The following SLC4A7 variants were observed in gnomAD, a reference collection of about 807,000 sequenced individuals.
The protein encoded by SLC4A7 is sodium bicarbonate cotransporter 3.
A neutral mutation model predicts 137.6 loss-of-function variants in SLC4A7; 51 were observed. That is an observed-to-expected ratio of 0.37 (90% CI 0.30 to 0.47). The LOEUF (loss-of-function observed/expected upper bound fraction) is 0.47. SLC4A7 is among the 20% of genes least tolerant of loss of function. SLC4A7 has a pLI of 1.00. For synonymous variants in SLC4A7, 542 were observed against 518.6 expected, an observed-to-expected ratio of 1.05 and a Z score of -0.61; for missense variants, 1,247 against 1,525.4, an observed-to-expected ratio of 0.82 and a Z score of 3.04.
rs558618939 is a variant in SLC4A7, at chr3:27,406,724, G to A, written c.1942-1761C>T. On this transcript the variant is annotated intron_variant, in intron 13 of 25. Coordinates refer to ENST00000454389, the MANE Select transcript of SLC4A7 (RefSeq NM_001321103.2). ...TGGGTGGATTGTTTTGAGCCCAGGA[G>A]TTCAAGAACAACCTGGGCAACATGG... Among the ~76,000 whole-genome samples, 39 of 152,202 alleles carry A rather than the reference G, an allele frequency of 2.6e-4. No individual in the cohort carries two copies. The Middle Eastern group carries it at 0.01, about 40-fold the overall frequency.
At chr3:27,478,046 A>C (rs1376774478) in intron 1 of SLC4A7, among the ~76,000 whole-genome samples, 3 of 152,208 alleles carry the variant, frequency 2.0e-5, no homozygotes, top group African/African-American at 7.2e-5. Context: ...ACACAATTCG[A>C]CAGCTTTTCC....
chr3:27,410,541 T>A (rs148574287), intron 12 of SLC4A7, among the ~76,000 whole-genome samples: 3 of 152,334 alleles, frequency 2.0e-5, no homozygotes, highest in African/African-American at 7.2e-5. Context: ...CTGTTCATAA[T>A]CTGACAGCAA....
chr3:27,397,413 T>TA (rs898282292), intron 18 of SLC4A7, among the ~76,000 whole-genome samples: 11 of 151,914 alleles, frequency 7.2e-5, no homozygotes, highest in African/African-American at 2.7e-4. Flanking sequence ...TTTTTTTTTT[T>TA]AATGGCTCCC....
chr3:27,456,457 T>G (rs1576584677), intron 1 of SLC4A7, among the ~76,000 whole-genome samples: 1 of 152,210 alleles, frequency 6.6e-6, no homozygotes, highest in East Asian at 1.9e-4. Flanking sequence ...TATAGAAGAA[T>G]AAAGATGCTA....
intron 1 of SLC4A7, among the ~76,000 whole-genome samples, chr3:27,477,178 A>G (rs969793115): frequency 1.2e-4 from 19 of 152,238 alleles, no homozygotes; most frequent in Admixed American, 8.5e-4. Flanking sequence ...AGGTTCTACC[A>G]TACTCTTCCT....
rs2052677440 is a variant in SLC4A7 at position 27,400,889 on chromosome 3, T to C, written c.2322-20A>G. ...ACACATCTGAGAAATTAGAGTAGGA[T>C]ACATTTTTAAGGATCCTGAATTTCA... On this transcript the variant is annotated intron_variant, in intron 15 of 25. Coordinates refer to ENST00000454389, the MANE Select transcript of SLC4A7 (RefSeq NM_001321103.2). The C allele has an allele frequency of 1.5e-6, 2 of 1,341,302 alleles. No individual in the cohort carries two copies. The highest frequency in any genetic ancestry group is 1.2e-5 in the South Asian group (1 of 81,270). The allele number at this position is 1,341,302 out of a possible 1,614,324, so 83.1% of individuals were successfully genotyped here. A position where few individuals can be genotyped will look rare whatever the true frequency, so the allele number is the denominator to read the frequency against.
At chr3:27,483,907 A>C (rs1313377282) in intron 1 of SLC4A7, among the ~76,000 whole-genome samples, 160 bp downstream of exon 1, 7 of 145,362 alleles carry the variant, frequency 4.8e-5, no homozygotes, top group African/African-American at 1.7e-4. Context: ...AGGCCGCCAC[A>C]CAAAGGGGAT....
rs144287056 is a variant in SLC4A7 at position 27,441,156 on chromosome 3, C to A, written c.290-3630G>T. Among the ~76,000 whole-genome samples, 205 of 152,290 alleles carry A rather than the reference C, an allele frequency of 1.3e-3. 1 individual carries two copies. The highest frequency in any genetic ancestry group is 4.7e-3 in the African/African-American group (196 of 41,562). Reference sequence around the variant, plus strand: ...GTTTAGGAGATGAATATCTTGCAGGCTATCACTCAGCCTACCACTCCCATG... The same window carrying A: ...GTTTAGGAGATGAATATCTTGCAGGATATCACTCAGCCTACCACTCCCATG... On this transcript the variant is annotated intron_variant, in intron 3 of 25. Transcript: ENST00000454389.
At chr3:27,379,653 T>C (rs938496397) in intron 24 of SLC4A7, among the ~76,000 whole-genome samples, 12 of 152,190 alleles carry the variant, frequency 7.9e-5, no homozygotes, top group African/African-American at 2.9e-4. Context: ...TCTGATCACC[T>C]TGGCTGAAAA....
At chr3:27,397,163 G>A (rs2052266996) in intron 18 of SLC4A7, among the ~76,000 whole-genome samples, 1 of 152,120 alleles carries the variant, frequency 6.6e-6, no homozygotes, top group South Asian at 2.1e-4. Flanking sequence ...CGAGTAGCGG[G>A]ATTACAGGCG....
chr3:27,379,486 T>C, intron 24 of SLC4A7, 130 bp from the exon 25 acceptor site: 1 of 577,946 alleles, frequency 1.7e-6, no homozygotes, highest in Non-Finnish European at 3.1e-6. Context: ...TGAATTCTGT[T>C]ACAAAGTCCT....
chr3:27,451,592 AG>A (rs1413589222), intron 2 of SLC4A7, among the ~76,000 whole-genome samples: 3 of 152,126 alleles, frequency 2.0e-5, no homozygotes, highest in African/African-American at 7.2e-5. Flanking sequence ...AAACAAAAAA[AG>A]AATGAGAAAC....
chr3:27,455,843 C>T (rs1335334917), intron 1 of SLC4A7, among the ~76,000 whole-genome samples: 4 of 151,708 alleles, frequency 2.6e-5, no homozygotes, highest in Admixed American at 2.6e-4. Context: ...GGCAACAGAA[C>T]GAGACCTTGT....
At chr3:27,470,862 A>AATCCC (rs1366123491) in intron 1 of SLC4A7, among the ~76,000 whole-genome samples, 1 of 152,142 alleles carries the variant, frequency 6.6e-6, no homozygotes, top group Non-Finnish European at 1.5e-5. Flanking sequence ...GAACCCCTTG[A>AATCCC]ATCCAGTAGG....
intron 22 of SLC4A7, among the ~76,000 whole-genome samples, chr3:27,387,420 T>C (rs1424658958): frequency 6.6e-6 from 1 of 152,160 alleles, no homozygotes; most frequent in Non-Finnish European, 1.5e-5. Flanking sequence ...AGTCAGGCAT[T>C]TATTTTTTAT....
chr3:27,400,401 T>C (rs1328395927), intron 16 of SLC4A7, among the ~76,000 whole-genome samples: 1 of 152,156 alleles, frequency 6.6e-6, no homozygotes, highest in Non-Finnish European at 1.5e-5. Context: ...GCAGGACAAG[T>C]GGATATAAAA....
intron 1 of SLC4A7, among the ~76,000 whole-genome samples, chr3:27,454,367 G>T (rs1303423375): frequency 1.3e-5 from 2 of 152,180 alleles, no homozygotes; most frequent in African/African-American, 4.8e-5. Context: ...TCAGGAGGCT[G>T]AGGCAGCAGA....
intron 2 of SLC4A7, among the ~76,000 whole-genome samples, chr3:27,450,548 C>T (rs2058004214): frequency 1.3e-5 from 2 of 151,932 alleles, no homozygotes; most frequent in African/African-American, 4.8e-5. Context: ...GTCAAATTCC[C>T]ATCACTGCAC....
At position 27,408,574 on chromosome 3, in the gene SLC4A7, T is replaced by TA. The variant is rs1484660756; in HGVS notation, c.1941+781dup. On this transcript the variant is annotated intron_variant, in intron 13 of 25. Coordinates refer to ENST00000454389, the MANE Select transcript of SLC4A7 (RefSeq NM_001321103.2). ...TGGTTATTTTTTAACCTTTGATCTA[T>TA]AAAAAAATGAATGTTCTCCCAAGAA... Among the ~76,000 whole-genome samples, 6 of 152,236 alleles carry TA rather than the reference T, an allele frequency of 3.9e-5. No homozygotes were observed. The South Asian group carries it at 6.2e-4, about 16-fold the overall frequency.
Sources: allele counts gnomAD v4.1 joint callset (sites outside exome capture counted in the v4.1 genomes callset), GRCh38; gene constraint gnomAD v4.1.1; transcripts MANE v1.5; gene names NCBI Gene and HGNC (gene_info 2026-07-23, HGNC 2026-07-21).